SIK2: variants seen among roughly 807,000 people sequenced by gnomAD.
SIK2 encodes serine/threonine-protein kinase SIK2.
A neutral mutation model predicts 103.2 loss-of-function variants in SIK2; 29 were observed. That is an observed-to-expected ratio of 0.28 (90% CI 0.21 to 0.38). The LOEUF (loss-of-function observed/expected upper bound fraction) is 0.38. Among genes scored for constraint, SIK2 ranks in the 10% least tolerant of loss-of-function variants. The pLI, the probability that SIK2 is intolerant of heterozygous loss-of-function variation, is 1.00. For missense variants in SIK2, 879 were observed against 1,171.0 expected, an observed-to-expected ratio of 0.75 and a Z score of 3.64; for synonymous variants, 412 against 446.1, an observed-to-expected ratio of 0.92 and a Z score of 0.96.
At chr11:111,689,326 A>T (rs1942894153) in intron 4 of SIK2, among the ~76,000 whole-genome samples, 2 of 152,218 alleles carry the variant, frequency 1.3e-5, no homozygotes, top group African/African-American at 2.4e-5. Context: ...TTGGGATAAC[A>T]TGATTAGATT....
Position 111,713,717 on chromosome 11 carries a change from G to A in SIK2, c.1266+1342G>A, listed in dbSNP as rs936130784. ...GGCATGGTGGCTTACGCCTGTAATC[G>A]CAGCACTTTGGGAGGCCAAGGCGGA... On this transcript the variant is annotated intron_variant, in intron 9 of 14. Coordinates refer to ENST00000304987, the MANE Select transcript of SIK2 (RefSeq NM_015191.3). Among the ~76,000 whole-genome samples, 8 of 152,212 alleles carry A rather than the reference G, an allele frequency of 5.3e-5. 1 individual carries two copies. Among genetic ancestry groups the A allele is most frequent in the Admixed American group, 5.2e-4 (8 of 15,294 alleles).
At chr11:111,635,355 GAGAA>G (rs1186347476) in intron 3 of SIK2, among the ~76,000 whole-genome samples, 1 of 147,570 alleles carries the variant, frequency 6.8e-6, no homozygotes, top group Non-Finnish European at 1.5e-5. Context: ...AAGAAAGAAA[GAGAA>G]AGAGAAAAGA....
chr11:111,708,149 A>G (rs1473448733), intron 8 of SIK2, among the ~76,000 whole-genome samples: 1 of 152,174 alleles, frequency 6.6e-6, no homozygotes, highest in Admixed American at 6.5e-5. Flanking sequence ...TGGGAGGCCA[A>G]GGCAGGTGGT....
At position 111,681,930 on chromosome 11, in the gene SIK2, A is replaced by T. The variant is rs117683568; in HGVS notation, c.317-6071A>T. Among the ~76,000 whole-genome samples the T allele has an allele frequency of 8.1e-3, 1,237 of 152,282 alleles. 11 individuals are homozygous for T. The highest frequency in any genetic ancestry group is 0.058 in the Middle Eastern group (17 of 294). ...GGATACTTCTTTAAGAAATATGAAAACTCAGGCTCTTTCCAAAACCAACTA... is the reference window on the plus strand; with the variant it reads ...GGATACTTCTTTAAGAAATATGAAATCTCAGGCTCTTTCCAAAACCAACTA... On this transcript the variant is annotated intron_variant, in intron 3 of 14. Transcript: ENST00000304987.
At chr11:111,678,215 C>A (rs76633305) in intron 3 of SIK2, among the ~76,000 whole-genome samples, 5,902 of 152,204 alleles carry the variant, frequency 0.039, 383 homozygotes, top group African/African-American at 0.13. Context: ...CTACAGTGGC[C>A]TCACCCAGAT....
intron 4 of SIK2, among the ~76,000 whole-genome samples, chr11:111,695,356 A>C (rs1943046115): frequency 6.6e-6 from 1 of 152,096 alleles, no homozygotes; most frequent in South Asian, 2.1e-4. Context: ...ATTCCTAGAA[A>C]TCATTTACTT....
At chr11:111,702,291 A>G (rs1043419932) in intron 6 of SIK2, among the ~76,000 whole-genome samples, 2 of 152,192 alleles carry the variant, frequency 1.3e-5, no homozygotes, top group African/African-American at 4.8e-5. Flanking sequence ...GGTTTAATTA[A>G]ATTAATCTGT....
chr11:111,635,935 C>A (rs759563493), intron 3 of SIK2, among the ~76,000 whole-genome samples: 1 of 152,212 alleles, frequency 6.6e-6, no homozygotes, highest in Non-Finnish European at 1.5e-5. Context: ...CCATACCCAA[C>A]TGAATTCTAT....
At chr11:111,645,805 G>GAA (rs1555027374) in intron 3 of SIK2, among the ~76,000 whole-genome samples, 1 of 136,296 alleles carries the variant, frequency 7.3e-6, no homozygotes, top group Admixed American at 7.2e-5. Context: ...ACAAGAGCAA[G>GAA]AAAAAAAAAA....
At chr11:111,699,626 G>GT (rs1193537789) in intron 4 of SIK2, among the ~76,000 whole-genome samples, 1 of 152,200 alleles carries the variant, frequency 6.6e-6, no homozygotes. Context: ...AATGGGGATT[G>GT]TTACTGTTAT....
At chr11:111,625,711 C>G (rs1453195609) in intron 3 of SIK2, among the ~76,000 whole-genome samples, 1 of 151,956 alleles carries the variant, frequency 6.6e-6, no homozygotes, top group East Asian at 1.9e-4. Flanking sequence ...GGGCCAAAAG[C>G]TAGATTGAAG....
chr11:111,721,052 G>A lies in SIK2; in HGVS notation c.1934G>A (p.Ser645Asn). 2 of 1,613,366 alleles carry A rather than the reference G, an allele frequency of 1.2e-6. No homozygotes were observed. The highest frequency in any genetic ancestry group is 1.7e-5 in the Admixed American group (1 of 59,882). The change falls in exon 12 of 15, where the codon AGC (serine) becomes AAC (asparagine). Residue 645 changes from serine (S) to asparagine (N), a missense_variant. This residue lies in a region of SIK2 where 375 missense variants were observed against 416.3 expected (regional missense o/e 0.90). Transcript: ENST00000304987. ...AAPQLQDLASSCPQEEVSQQQ... is the reference protein window; with the variant it reads ...AAPQLQDLASNCPQEEVSQQQ... The stretch of plus-strand genomic sequence containing the variant: ...CCTCAGCTCCAGGACCTTGCTAGCA[G>A]CTGCCCTCAGGTGGGTACCTTGGGC...
chr11:111,622,257 T>C (rs1482260346), intron 3 of SIK2, among the ~76,000 whole-genome samples: 11 of 127,972 alleles, frequency 8.6e-5, no homozygotes, highest in Non-Finnish European at 1.7e-4. Flanking sequence ...CTTTTTTTTT[T>C]TTTTTTTTTT....
intron 3 of SIK2, among the ~76,000 whole-genome samples, chr11:111,667,412 G>T (rs1311216984): frequency 6.6e-6 from 1 of 151,646 alleles, no homozygotes; most frequent in African/African-American, 2.4e-5. Flanking sequence ...ATTTAGCTAT[G>T]GATAACAATA....
intron 3 of SIK2, among the ~76,000 whole-genome samples, chr11:111,664,210 T>C (rs1405807941): frequency 6.6e-6 from 1 of 152,256 alleles, no homozygotes; most frequent in African/African-American, 2.4e-5. Flanking sequence ...GAACAATTTT[T>C]GGAAGACTTT....
rs183112172 is a variant in SIK2 at position 111,730,649 on chromosome 11, G to C, written c.*6520G>C. ...GAGTTCAGTAGCTTTGGTATTATGAGTGCAAATCATAATAGCTCCAATGTG... is the reference window on the plus strand; with the variant it reads ...GAGTTCAGTAGCTTTGGTATTATGACTGCAAATCATAATAGCTCCAATGTG... On this transcript the variant is annotated 3_prime_UTR_variant, in exon 15 of 15. Coordinates refer to ENST00000304987, the MANE Select transcript of SIK2 (RefSeq NM_015191.3). 4 of 151,600 alleles carry C rather than the reference G, an allele frequency of 2.6e-5. No homozygotes were observed. Among genetic ancestry groups the C allele is most frequent in the Non-Finnish European group, 5.9e-5 (4 of 67,932 alleles). 9.4% of individuals were successfully genotyped at this position (151,600 alleles called of 1,614,324 possible). A position where few individuals can be genotyped will look rare whatever the true frequency, so the allele number is the denominator to read the frequency against.
rs759984147 is a variant in SIK2, at chr11:111,727,039, G to A, written c.*2910G>A. On this transcript the variant is annotated 3_prime_UTR_variant, in exon 15 of 15. Coordinates refer to ENST00000304987, the MANE Select transcript of SIK2 (RefSeq NM_015191.3). The stretch of plus-strand genomic sequence containing the variant: ...GCAAGTGTGTCTCTAGTATCTCCAC[G>A]CAACTGATACACTGGTCCCTGTAAG... 1.2e-5 allele frequency: 19 copies of A among 1,613,836 alleles called. No individual in the cohort carries two copies. Among genetic ancestry groups the A allele is most frequent in the South Asian group, 5.5e-5 (5 of 91,048 alleles).
At chr11:111,607,970 A>C (rs1941669739) in intron 1 of SIK2, among the ~76,000 whole-genome samples, 1 of 152,218 alleles carries the variant, frequency 6.6e-6, no homozygotes, top group South Asian at 2.1e-4. Flanking sequence ...ATCTTCTTGG[A>C]TTCACATGAT....
chr11:111,717,317 CAAAAAAAAAA>C lies in SIK2; in HGVS notation c.1267-2441_1267-2432del, dbSNP rs34473568. Among the ~76,000 whole-genome samples, 51 of 49,462 alleles carry C rather than the reference CAAAAAAAAAA, an allele frequency of 1.0e-3. 1 individual carries two copies. Among genetic ancestry groups the C allele is most frequent in the African/African-American group, 2.6e-3 (35 of 13,632 alleles). 32.4% of individuals were successfully genotyped at this position (49,462 alleles called of 152,430 possible). On this transcript the variant is annotated intron_variant, in intron 9 of 14. Transcript: ENST00000304987. Reference sequence around the variant, plus strand: ...TGGGCGACAGAGCGAGACTCCGTCTCAAAAAAAAAAAAAAAAAAAAAAAAAAGCTCAACAT... The same window carrying C: ...TGGGCGACAGAGCGAGACTCCGTCTCAAAAAAAAAAAAAAAAGCTCAACAT...
Sources: allele counts gnomAD v4.1 joint callset (sites outside exome capture counted in the v4.1 genomes callset), GRCh38; gene constraint gnomAD v4.1.1; regional missense constraint gnomAD v4.1.1; transcripts MANE v1.5; gene names NCBI Gene and HGNC (gene_info 2026-07-23, HGNC 2026-07-21).